BRIP1: variants seen among roughly 807,000 people sequenced by gnomAD.
BRIP1 encodes the protein Fanconi anemia group J protein.
BRIP1 carries 88 observed loss-of-function variants against 119.7 expected under a neutral mutation model. That is an observed-to-expected ratio of 0.74 (90% CI 0.62 to 0.88). The LOEUF is 0.88. Among genes scored for constraint, BRIP1 ranks in the 40% least tolerant of loss-of-function variants. BRIP1 has a pLI of 0.00. For missense variants in BRIP1, 1,259 were observed against 1,455.4 expected (o/e 0.87, Z 2.20); for synonymous variants, 443 against 496.5 (o/e 0.89, Z 1.43).
Position 61,682,671 on chromosome 17 carries a change from CTGT to C in BRIP1, c.*622_*624del. 1 of 195,874 alleles carries C rather than the reference CTGT, an allele frequency of 5.1e-6. No homozygotes were observed. The highest frequency in any genetic ancestry group is 1.1e-5 in the Non-Finnish European group (1 of 94,356). 12.1% of individuals were successfully genotyped at this position (195,874 alleles called of 1,614,324 possible). A position where few individuals can be genotyped will look rare whatever the true frequency, so the allele number is the denominator to read the frequency against. The stretch of plus-strand genomic sequence containing the variant: ...ACTGAGGTGTCACTAGATTAGACTG[CTGT>C]TAATTTTTATGTATCAGTGTGAAAA... On this transcript the variant is annotated 3_prime_UTR_variant, in exon 20 of 20. Coordinates refer to ENST00000259008, the MANE Select transcript of BRIP1 (RefSeq NM_032043.3). This position sits in a 1 kb window ranked among gnomAD's most constrained non-coding sequence, Gnocchi z 4.9.
intron 14 of BRIP1, among the ~76,000 whole-genome samples, chr17:61,772,294 TAAATC>T (rs1170017208): frequency 1.3e-5 from 2 of 149,182 alleles, no homozygotes; most frequent in African/African-American, 5.0e-5. Context: ...GCTAATGAAA[TAAATC>T]AGAAACAAAG....
intron 6 of BRIP1, among the ~76,000 whole-genome samples, chr17:61,818,748 T>TA (rs1283576350): frequency 6.6e-6 from 1 of 152,096 alleles, no homozygotes; most frequent in Non-Finnish European, 1.5e-5. Flanking sequence ...AAATCTGATT[T>TA]AAAAATGGGC....
rs1269005531 is a variant in BRIP1, at chr17:61,860,855, C to G, written c.93+592G>C. On this transcript the variant is annotated intron_variant, in intron 2 of 19. Coordinates refer to ENST00000259008, the MANE Select transcript of BRIP1 (RefSeq NM_032043.3). This position sits in a 1 kb window ranked among gnomAD's most constrained non-coding sequence, Gnocchi z 4.1. ...TTAAAAATAATGCTAAGTTAAAAAA[C>G]TCAAGTTCTGCATAAAAAGTAAGGT... Among the ~76,000 whole-genome samples, 1 of 152,076 alleles carries G rather than the reference C, an allele frequency of 6.6e-6. No homozygotes were observed. The highest frequency in any genetic ancestry group is 1.5e-5 in the Non-Finnish European group (1 of 68,012).
chr17:61,847,189 A>ACTT lies in BRIP1; in HGVS notation c.536_538dup (p.Glu179dup), dbSNP rs1567866837. The ACTT allele has an allele frequency of 6.2e-7, 1 of 1,613,674 alleles. No individual in the cohort carries two copies. ...ATCAACTTTTGCATCCAAATTGTGT[A>ACTT]CTTCTGTTCCAAAGCAATGACGTTT... On this transcript the variant is annotated inframe_insertion, in exon 6 of 20. Transcript: ENST00000259008.
chr17:61,847,210 C>T lies in BRIP1; in HGVS notation c.518G>A (p.Arg173His), dbSNP rs761432927. Residue 173 changes from arginine (R) to histidine (H), a missense_variant, in exon 6 of 20, where the codon CGT (arginine) becomes CAT (histidine). Physicochemically the swap from Arg to His is conservative, Grantham distance 29 (BLOSUM62 0). This residue lies in a region of BRIP1 where 501 missense variants were observed against 544.0 expected (regional missense o/e 0.92). Coordinates refer to ENST00000259008, the MANE Select transcript of BRIP1 (RefSeq NM_032043.3). ...GTGTACTTCTGTTCCAAAGCAATGA[C>T]GTTTTCTAATCTGTAAACACAGAAC... ...PLETTQQIRK[R>H]HCFGTEVHNL... 6.2e-6 allele frequency: 10 copies of T among 1,613,592 alleles called. No homozygotes were observed. Among genetic ancestry groups the T allele is most frequent in the East Asian group, 4.5e-5 (2 of 44,830 alleles).
At position 61,842,530 on chromosome 17, in the gene BRIP1, A is replaced by G. The variant is rs1310701628; in HGVS notation, c.627+4571T>C. On this transcript the variant is annotated intron_variant, in intron 6 of 19. Transcript: ENST00000259008. This position sits in a 1 kb window ranked among gnomAD's most constrained non-coding sequence, Gnocchi z 5.1. ...GATTTGATCATTACACATCATATAC[A>G]TGTATGAAAATTATCACACTGAATC... is the stretch of plus-strand genomic sequence containing the variant. 6.6e-6 allele frequency among the ~76,000 whole-genome samples: 1 copy of G among 152,214 alleles called. No homozygotes were observed. Among genetic ancestry groups the G allele is most frequent in the Non-Finnish European group, 1.5e-5 (1 of 68,034 alleles).
chr17:61,772,197 AT>A (rs1567804735), intron 14 of BRIP1, among the ~76,000 whole-genome samples: 8 of 99,852 alleles, frequency 8.0e-5, no homozygotes, highest in African/African-American at 1.7e-4. Flanking sequence ...ATATATATAT[AT>A]ATATATATAT....
intron 10 of BRIP1, among the ~76,000 whole-genome samples, chr17:61,787,054 A>G (rs2077730029): frequency 8.6e-6 from 1 of 115,818 alleles, no homozygotes; most frequent in African/African-American, 3.5e-5. Context: ...ATTTATATAA[A>G]TTTATAAATA....
At position 61,753,096 on chromosome 17, in the gene BRIP1, A is replaced by G. The variant is rs1407611785; in HGVS notation, c.2098-8505T>C. ...TCATGGGAGTGGGACTAGTGGCTTTATACAAAAAGGAATAGAGACTCGAGC... is the reference window on the plus strand; with the variant it reads ...TCATGGGAGTGGGACTAGTGGCTTTGTACAAAAAGGAATAGAGACTCGAGC... On this transcript the variant is annotated intron_variant, in intron 14 of 19. Coordinates refer to ENST00000259008, the MANE Select transcript of BRIP1 (RefSeq NM_032043.3). The surrounding 1 kb of genome is among the most constrained non-coding windows in gnomAD (Gnocchi z 4.6). Among the ~76,000 whole-genome samples, 2 of 152,086 alleles carry G rather than the reference A, an allele frequency of 1.3e-5. No individual in the cohort carries two copies. Among genetic ancestry groups the G allele is most frequent in the African/African-American group, 4.8e-5 (2 of 41,396 alleles).
chr17:61,826,847 A>G lies in BRIP1; in HGVS notation c.628-18090T>C, dbSNP rs150123129. On this transcript the variant is annotated intron_variant, in intron 6 of 19. Coordinates refer to ENST00000259008, the MANE Select transcript of BRIP1 (RefSeq NM_032043.3). ...TAAATTAGTTCAACCATTGTGGAAG[A>G]CAGTAGACAGTGTGGCAATTCCTCA... Among the ~76,000 whole-genome samples the G allele has an allele frequency of 7.6e-4, 115 of 152,100 alleles. No homozygotes were observed. The East Asian group carries it at 0.021, about 28-fold the overall frequency.
At chr17:61,747,977 C>T (rs139493186) in intron 14 of BRIP1, among the ~76,000 whole-genome samples, 351 of 151,262 alleles carry the variant, frequency 2.3e-3, no homozygotes, top group Non-Finnish European at 4.5e-3. Context: ...GCCTCAAGTG[C>T]TCCTCCTGCC....
intron 11 of BRIP1, among the ~76,000 whole-genome samples, chr17:61,783,324 G>C (rs775328901): frequency 6.6e-6 from 1 of 152,034 alleles, no homozygotes; most frequent in South Asian, 2.1e-4. Flanking sequence ...TTGTATGATC[G>C]CTCTTATGTG....
intron 16 of BRIP1, among the ~76,000 whole-genome samples, chr17:61,732,400 T>A (rs1222974826): frequency 2.0e-5 from 3 of 152,182 alleles, no homozygotes; most frequent in Admixed American, 1.3e-4. Flanking sequence ...TCAAATCTCA[T>A]CTCTCTGGCT....
intron 7 of BRIP1, among the ~76,000 whole-genome samples, chr17:61,801,682 T>C (rs893686111): frequency 6.6e-5 from 10 of 152,226 alleles, no homozygotes; most frequent in African/African-American, 2.2e-4. Context: ...CAGACTTAGA[T>C]AGAAGTCCAA....
In BRIP1 at chr17:61,796,518, C is replaced by T. The variant is rs7216011; in HGVS notation, c.1340+2582G>A. On this transcript the variant is annotated intron_variant, in intron 9 of 19. Transcript: ENST00000259008. The surrounding 1 kb of genome is among the most constrained non-coding windows in gnomAD (Gnocchi z 4.8). Reference sequence around the variant, plus strand: ...ACCATTTATTGAAGAGACTGTCTTTCCCTCAGTGCATGTTCGTGGCACCTG... The same window carrying T: ...ACCATTTATTGAAGAGACTGTCTTTTCCTCAGTGCATGTTCGTGGCACCTG... 0.78 allele frequency among the ~76,000 whole-genome samples: 118,415 copies of T among 151,954 alleles called. 46,637 individuals are homozygous for T. Among genetic ancestry groups the T allele is most frequent in the African/African-American group, 0.85 (35,173 of 41,454 alleles).
At chr17:61,858,351 C>T (rs935175573) in intron 3 of BRIP1, among the ~76,000 whole-genome samples, 3 of 151,588 alleles carry the variant, frequency 2.0e-5, no homozygotes, top group Admixed American at 6.6e-5. Flanking sequence ...AAATGAACAA[C>T]CAAAAGCTTA....
intron 10 of BRIP1, among the ~76,000 whole-genome samples, chr17:61,785,931 G>C (rs564871484): frequency 1.3e-4 from 20 of 151,902 alleles, no homozygotes; most frequent in East Asian, 5.8e-4. Flanking sequence ...GCTGGGTTGG[G>C]GGGGGTAGAA....
chr17:61,765,095 G>A (rs542888132), intron 14 of BRIP1, among the ~76,000 whole-genome samples: 1 of 151,382 alleles, frequency 6.6e-6, no homozygotes, highest in African/African-American at 2.4e-5. Context: ...ACTAGATGCT[G>A]GCAACTTGAT....
At position 61,739,382 on chromosome 17, in the gene BRIP1, T is replaced by C; in HGVS notation, c.2379+3631A>G. The C allele has an allele frequency of 5.2e-6, 1 of 190,916 alleles. No individual in the cohort carries two copies. 11.8% of individuals were successfully genotyped at this position (190,916 alleles called of 1,614,324 possible). ...GGAGACCCAGCTTTGGGCATAGCCATTAGTGCCCTCAGCAGTAGCACTGGT... is the reference window on the plus strand; with the variant it reads ...GGAGACCCAGCTTTGGGCATAGCCACTAGTGCCCTCAGCAGTAGCACTGGT... On this transcript the variant is annotated intron_variant, in intron 16 of 19. Coordinates refer to ENST00000259008, the MANE Select transcript of BRIP1 (RefSeq NM_032043.3). This position sits in a 1 kb window ranked among gnomAD's most constrained non-coding sequence, Gnocchi z 6.0.
Sources: allele counts gnomAD v4.1 joint callset (sites outside exome capture counted in the v4.1 genomes callset), GRCh38; gene constraint gnomAD v4.1.1; regional missense constraint gnomAD v4.1.1; non-coding constraint Gnocchi (gnomAD v3.1); transcripts MANE v1.5; gene names NCBI Gene and HGNC (gene_info 2026-07-23, HGNC 2026-07-21).